Variants in PITPNM2 observed in about 807,000 individuals in gnomAD.
The protein encoded by PITPNM2 is membrane-associated phosphatidylinositol transfer protein 2.
Under a neutral mutation model 132.2 loss-of-function variants are expected in PITPNM2, and 35 were observed. That is an observed-to-expected ratio of 0.26 (90% confidence interval 0.20 to 0.35). The LOEUF (loss-of-function observed/expected upper bound fraction) is 0.35. PITPNM2 is among the 10% of genes least tolerant of loss of function. The pLI is 1.00. For synonymous variants in PITPNM2, 738 were observed against 799.2 expected, an observed-to-expected ratio of 0.92 and a Z score of 1.29; for missense variants, 1,332 against 1,912.0, an observed-to-expected ratio of 0.70 and a Z score of 5.66.
At chr12:123,001,725 CTG>C (rs1382322439) in intron 8 of PITPNM2, among the ~76,000 whole-genome samples, 2 of 152,212 alleles carry the variant, frequency 1.3e-5, no homozygotes, top group Admixed American at 6.5e-5. Flanking sequence ...ATGTTCCTGA[CTG>C]TTTTTTTAAA....
At chr12:123,136,592 C>A (rs183977296) in intron 1 of PITPNM2, among the ~76,000 whole-genome samples, 6 of 152,198 alleles carry the variant, frequency 3.9e-5, no homozygotes, top group Non-Finnish European at 8.8e-5. Context: ...AGTCACCCAG[C>A]CCTAAGTTAA....
chr12:123,012,560 G>A (rs1047781018), intron 5 of PITPNM2, 53 bp downstream of exon 5: 1 of 1,601,584 alleles, frequency 6.2e-7, no homozygotes, highest in East Asian at 2.2e-5. Flanking sequence ...AGAGGGACCT[G>A]TGGGTAGGAA....
chr12:123,033,298 C>T (rs2136448665), intron 3 of PITPNM2, among the ~76,000 whole-genome samples: 1 of 152,340 alleles, frequency 6.6e-6, no homozygotes, highest in South Asian at 2.1e-4. Flanking sequence ...CGGGCTAGGC[C>T]ATGCCAGGCA....
chr12:122,995,121 G>T (rs2038368547), intron 14 of PITPNM2, 142 bp from the exon 15 acceptor site: 4 of 1,057,150 alleles, frequency 3.8e-6, no homozygotes, highest in Middle Eastern at 3.1e-4. Flanking sequence ...CCTGCCCCTG[G>T]TCCATTCTGC....
At chr12:123,125,197 C>A (rs1190128266) in intron 1 of PITPNM2, among the ~76,000 whole-genome samples, 2 of 152,094 alleles carry the variant, frequency 1.3e-5, no homozygotes, top group Non-Finnish European at 2.9e-5. Flanking sequence ...TGGGCTCAAG[C>A]AATCTGCCCA....
chr12:123,005,876 C>T lies in PITPNM2; in HGVS notation c.644-328G>A, dbSNP rs1376386726. 1.0e-5 allele frequency: 3 copies of T among 293,154 alleles called. No individual in the cohort carries two copies. The highest frequency in any genetic ancestry group is 1.9e-3 in the Middle Eastern group (2 of 1,032). The allele number at this position is 293,154 out of a possible 1,614,324, so 18.2% of individuals were successfully genotyped here. ...ACTTTGGGAGGATTAGGTGGGAGGA[C>T]AGCTTGAGTCCAAGGGTTTGAGATC... On this transcript the variant is annotated intron_variant, in intron 6 of 25. Coordinates refer to ENST00000320201, the MANE Select transcript of PITPNM2 (RefSeq NM_020845.3). This position sits in a 1 kb window ranked among gnomAD's most constrained non-coding sequence, Gnocchi z 6.2.
At chr12:123,061,902 T>C (rs1402440835) in intron 2 of PITPNM2, among the ~76,000 whole-genome samples, 1 of 152,186 alleles carries the variant, frequency 6.6e-6, no homozygotes, top group Admixed American at 6.5e-5. Flanking sequence ...GAGGGCTGGC[T>C]GCTGGGAAGA....
chr12:123,051,199 G>T (rs570606379), intron 2 of PITPNM2, among the ~76,000 whole-genome samples: 14 of 152,336 alleles, frequency 9.2e-5, no homozygotes, highest in Admixed American at 7.2e-4. Flanking sequence ...AATGACCAAG[G>T]TTGGGGAGGA....
chr12:123,021,495 A>C (rs1403108191), intron 3 of PITPNM2, among the ~76,000 whole-genome samples: 1 of 152,126 alleles, frequency 6.6e-6, no homozygotes, highest in African/African-American at 2.4e-5. Flanking sequence ...CACCACACCC[A>C]GCTAGTTTTT....
intron 2 of PITPNM2, among the ~76,000 whole-genome samples, chr12:123,041,627 GAGAC>G (rs542350420): frequency 9.1e-4 from 139 of 152,300 alleles, no homozygotes; most frequent in Non-Finnish European, 1.7e-3. Context: ...GGGTGCTAGC[GAGAC>G]AGACACACAT....
At chr12:123,127,758 C>A (rs748382673) in intron 1 of PITPNM2, among the ~76,000 whole-genome samples, 1 of 151,914 alleles carries the variant, frequency 6.6e-6, no homozygotes, top group African/African-American at 2.4e-5. Flanking sequence ...TACAGGCGCC[C>A]GCCACCACGC....
intron 3 of PITPNM2, among the ~76,000 whole-genome samples, chr12:123,028,779 C>CG (rs964965474): frequency 1.3e-5 from 2 of 152,150 alleles, no homozygotes; most frequent in Non-Finnish European, 2.9e-5. Context: ...AAGGCTAGAG[C>CG]GGGCACAGAC....
chr12:123,014,081 G>C, intron 3 of PITPNM2, 39 bp from the exon 4 acceptor site: 1 of 1,608,968 alleles, frequency 6.2e-7, no homozygotes, highest in Non-Finnish European at 8.5e-7. Flanking sequence ...TGTGGGGCCA[G>C]AGCACTCTTC....
At position 122,986,285 on chromosome 12, in the gene PITPNM2, A is replaced by T; in HGVS notation, c.3792T>A (p.Ala1264=). Residue 1264 remains alanine (A), a synonymous_variant, in exon 26 of 26, where the codon GCT becomes GCA. Coordinates refer to ENST00000320201, the MANE Select transcript of PITPNM2 (RefSeq NM_020845.3). ...QLKYSHRARP[A]RNTATRMALR... ...GCGCCATGCGGGTGGCCGTGTTGCG[A>T]GCGGGCCGCGCCCGGTGGCTGTACT... is the stretch of plus-strand genomic sequence containing the variant. 6.3e-7 allele frequency: 1 copy of T among 1,583,240 alleles called. No individual in the cohort carries two copies. The highest frequency in any genetic ancestry group is 8.6e-7 in the Non-Finnish European group (1 of 1,169,306).
intron 2 of PITPNM2, among the ~76,000 whole-genome samples, chr12:123,052,383 G>A (rs558052604): frequency 6.6e-6 from 1 of 152,334 alleles, no homozygotes; most frequent in Admixed American, 6.5e-5. Flanking sequence ...GAAGGTGTCA[G>A]TAAGGCTGGT....
rs12828755 is a variant in PITPNM2, at chr12:122,986,039, C to G, written c.4038G>C (p.Ala1346=). The G allele has an allele frequency of 8.3e-3, 11,591 of 1,401,446 alleles. 751 individuals are homozygous for G. In the African/African-American group the frequency reaches 0.15, roughly 18 times the overall value. The allele number at this position is 1,401,446 out of a possible 1,614,324, so 86.8% of individuals were successfully genotyped here. ...MTGRLEPGAA[A]GPK ...CACTCACGGTGCCCTACTTGGGGCC[C>G]GCGGCTGCCCCCGGCTCCAGGCGGC... Residue 1346 remains alanine (A), a synonymous_variant, in exon 26 of 26, where the codon GCG becomes GCC. Transcript: ENST00000320201.
At chr12:123,107,516 G>A (rs1012710991) in intron 2 of PITPNM2, among the ~76,000 whole-genome samples, 2 of 152,182 alleles carry the variant, frequency 1.3e-5, no homozygotes, top group African/African-American at 4.8e-5. Flanking sequence ...ACAGCAAGGA[G>A]CTTTTCTAAA....
At chr12:123,088,056 G>A (rs781386314) in intron 2 of PITPNM2, 1 of 152,140 alleles carries the variant, frequency 6.6e-6, no homozygotes, top group South Asian at 2.1e-4. Context: ...ACTTCGTGTC[G>A]AGTCCAGCGT....
At chr12:123,116,647 C>A (rs1404372399) in intron 1 of PITPNM2, among the ~76,000 whole-genome samples, 63 of 107,820 alleles carry the variant, frequency 5.8e-4, no homozygotes, top group South Asian at 9.7e-4. Context: ...GACCTTGTTT[C>A]AAAAAAAAAA....
Sources: allele counts gnomAD v4.1 joint callset (sites outside exome capture counted in the v4.1 genomes callset), GRCh38; gene constraint gnomAD v4.1.1; non-coding constraint Gnocchi (gnomAD v3.1); transcripts MANE v1.5; gene names NCBI Gene and HGNC (gene_info 2026-07-23, HGNC 2026-07-21).